Variants in LRBA observed in about 807,000 individuals in gnomAD.
The protein encoded by LRBA is LPS responsive beige-like anchor protein.
Under a neutral mutation model 330.0 loss-of-function variants are expected in LRBA, and 176 were observed. That is an observed-to-expected ratio of 0.53 (90% CI 0.47 to 0.60). LRBA has a LOEUF of 0.60. Among genes scored for constraint, LRBA ranks in the 20% least tolerant of loss-of-function variants. LRBA has a pLI of 0.00. For synonymous variants in LRBA, 1,230 were observed against 1,193.0 expected (o/e 1.03, Z -0.64); for missense variants, 3,259 against 3,444.8 (o/e 0.95, Z 1.35).
At chr4:150,926,227 T>G (rs1377370127) in intron 4 of LRBA, among the ~76,000 whole-genome samples, 1 of 152,172 alleles carries the variant, frequency 6.6e-6, no homozygotes, top group African/African-American at 2.4e-5. Context: ...TAGTAAGAGC[T>G]TTAAGTTAAA....
At chr4:150,948,177 T>C (rs1303838708) in intron 2 of LRBA, among the ~76,000 whole-genome samples, 1 of 151,894 alleles carries the variant, frequency 6.6e-6, no homozygotes, top group Non-Finnish European at 1.5e-5. Context: ...CCAAAAACAA[T>C]CTTGAAAGAG....
intron 40 of LRBA, chr4:150,579,174 T>C (rs1166739789): frequency 1.1e-5 from 5 of 455,560 alleles, no homozygotes; most frequent in South Asian, 7.8e-5. Flanking sequence ...GCCAGTTCGT[T>C]TTAATACACC....
At chr4:150,882,209 T>A (rs1728474670) in intron 17 of LRBA, among the ~76,000 whole-genome samples, 1 of 152,238 alleles carries the variant, frequency 6.6e-6, no homozygotes, top group Admixed American at 6.5e-5. Context: ...GAAATTATTC[T>A]ATGAACCTAA....
intron 53 of LRBA, among the ~76,000 whole-genome samples, chr4:150,289,184 T>G (rs1431232941): frequency 6.6e-6 from 1 of 152,228 alleles, no homozygotes; most frequent in Non-Finnish European, 1.5e-5. Context: ...ATTATTTTTT[T>G]TGTAAACTCG....
chr4:150,538,262 T>G (rs368411777), intron 40 of LRBA, among the ~76,000 whole-genome samples: 46 of 152,236 alleles, frequency 3.0e-4, no homozygotes, highest in African/African-American at 1.1e-3. Flanking sequence ...GAACTACCAT[T>G]TGACCCAGCA....
Position 150,865,170 on chromosome 4 carries a change from A to G in LRBA, c.2766+2501T>C, listed in dbSNP as rs193301311. Among the ~76,000 whole-genome samples, 427 of 152,252 alleles carry G rather than the reference A, an allele frequency of 2.8e-3. 3 individuals carry two copies. Among genetic ancestry groups the G allele is most frequent in the Non-Finnish European group, 4.3e-3 (293 of 68,022 alleles). On this transcript the variant is annotated intron_variant, in intron 22 of 56. Transcript: ENST00000651943. ...ACAAAGTCAACCCTATTTTTCTTAT[A>G]ATCTTTTGTAAATGGCAACATAGTA...
intron 47 of LRBA, among the ~76,000 whole-genome samples, chr4:150,353,236 T>C (rs747153823): frequency 2.0e-5 from 3 of 152,130 alleles, no homozygotes; most frequent in Non-Finnish European, 4.4e-5. Flanking sequence ...CTTATACTTA[T>C]TTATGTAAAT....
intron 2 of LRBA, among the ~76,000 whole-genome samples, chr4:150,954,775 A>T (rs940307305): frequency 2.0e-4 from 29 of 142,206 alleles, no homozygotes; most frequent in Non-Finnish European, 3.4e-4. Flanking sequence ...ATACTAAAAA[A>T]TTTTTTAAAA....
Position 150,880,952 on chromosome 4 carries a change from G to A in LRBA, c.2166-8197C>T, listed in dbSNP as rs534762625. 8.5e-5 allele frequency among the ~76,000 whole-genome samples: 13 copies of A among 152,148 alleles called. No individual in the cohort carries two copies. In the East Asian group the frequency reaches 1.2e-3, roughly 14 times the overall value. ...TATGAAAAAATGCTTAATTAACATC[G>A]CTAATCATCAGCAAAATGCAAATCA... On this transcript the variant is annotated intron_variant, in intron 17 of 56. Transcript: ENST00000651943.
At chr4:150,494,789 A>G (rs1272457144) in intron 40 of LRBA, among the ~76,000 whole-genome samples, 1 of 152,128 alleles carries the variant, frequency 6.6e-6, no homozygotes, top group Non-Finnish European at 1.5e-5. Flanking sequence ...AGGTCAGGAG[A>G]TGGGGACCAT....
intron 35 of LRBA, among the ~76,000 whole-genome samples, chr4:150,742,104 G>A (rs575193661): frequency 4.6e-5 from 7 of 150,652 alleles, no homozygotes; most frequent in South Asian, 2.1e-4. Context: ...AACATAGAGC[G>A]GGCAGGGATA....
intron 18 of LRBA, 109 bp downstream of exon 18, chr4:150,872,554 T>G (rs973694653): frequency 6.0e-6 from 4 of 667,986 alleles, no homozygotes; most frequent in African/African-American, 5.7e-5. Flanking sequence ...AATTTATGAA[T>G]AAAAATAAAA....
intron 2 of LRBA, among the ~76,000 whole-genome samples, chr4:151,012,258 A>C (rs1311780258): frequency 6.6e-6 from 1 of 152,222 alleles, no homozygotes; most frequent in Admixed American, 6.5e-5. Context: ...GAAGCGTATA[A>C]GCAAATGCTG....
At chr4:150,949,941 C>A (rs1458844750) in intron 2 of LRBA, among the ~76,000 whole-genome samples, 1 of 152,090 alleles carries the variant, frequency 6.6e-6, no homozygotes, top group Non-Finnish European at 1.5e-5. Flanking sequence ...ATTGATATCA[C>A]ACAGAGTTTA....
At chr4:150,825,704 T>C (rs999556008) in intron 30 of LRBA, among the ~76,000 whole-genome samples, 1 of 152,116 alleles carries the variant, frequency 6.6e-6, no homozygotes, top group African/African-American at 2.4e-5. Flanking sequence ...CTCATATATT[T>C]TTCATCATGT....
At chr4:150,285,631 C>A (rs1748045741) in intron 54 of LRBA, among the ~76,000 whole-genome samples, 1 of 152,176 alleles carries the variant, frequency 6.6e-6, no homozygotes, top group Admixed American at 6.5e-5. Context: ...ATCTTAAACT[C>A]CTTAGAGCAG....
intron 2 of LRBA, among the ~76,000 whole-genome samples, chr4:150,934,083 C>G (rs188922058): frequency 6.6e-6 from 1 of 151,690 alleles, no homozygotes; most frequent in East Asian, 1.9e-4. Flanking sequence ...CTTATGAAAT[C>G]ATCATAAATA....
chr4:151,009,352 C>T (rs62344624), intron 2 of LRBA, among the ~76,000 whole-genome samples: 8,772 of 151,708 alleles, frequency 0.058, 507 homozygotes, highest in South Asian at 0.29. Context: ...AGTTTGAGAC[C>T]AGCCTGGCCA....
chr4:150,934,948 C>T (rs1734927032), intron 2 of LRBA, among the ~76,000 whole-genome samples: 1 of 149,880 alleles, frequency 6.7e-6, no homozygotes, highest in African/African-American at 2.5e-5. Flanking sequence ...GTGGAGGATG[C>T]GGTGAGCCGA....
Sources: gnomAD v4.1 joint callset for allele counts (sites outside exome capture counted in the v4.1 genomes callset) on GRCh38, gnomAD v4.1.1 for gene constraint, MANE v1.5 for transcripts, NCBI Gene and HGNC (gene_info 2026-07-23, HGNC 2026-07-21) for gene names.